Variants in OSBPL9 observed in about 807,000 individuals in gnomAD.
The protein encoded by OSBPL9 is oxysterol binding protein like 9.
A neutral mutation model predicts 106.6 loss-of-function variants in OSBPL9; 40 were observed. The observed-to-expected ratio is 0.38, with a 90% CI of 0.29 to 0.49. The LOEUF is 0.49. Ranked by LOEUF, OSBPL9 falls within the 20% of genes least tolerant of loss-of-function variation. OSBPL9 has a pLI of 0.97. For synonymous variants in OSBPL9, 269 were observed against 295.4 expected (o/e 0.91, Z 0.92); for missense variants, 609 against 887.2 (o/e 0.69, Z 3.98).
intron 4 of OSBPL9, among the ~76,000 whole-genome samples, chr1:51,737,887 G>C (rs1359206646): frequency 1.3e-5 from 2 of 152,010 alleles, no homozygotes; most frequent in Non-Finnish European, 2.9e-5. Context: ...CCTATATAGA[G>C]AGGGTGACCA....
chr1:51,543,105 C>A, the OSBPL9 span, among the ~76,000 whole-genome samples: 1 of 152,144 alleles, frequency 6.6e-6, no homozygotes, highest in Non-Finnish European at 1.5e-5. Flanking sequence ...ATTCCTGGTC[C>A]AAATTCTGAA....
rs1458050453 is a variant in OSBPL9 at position 51,713,976 on chromosome 1, A to C, written c.242-27A>C. 3 of 1,552,420 alleles carry C rather than the reference A, an allele frequency of 1.9e-6. No individual in the cohort carries two copies. The South Asian group carries it at 3.6e-5, about 19-fold the overall frequency. On this transcript the variant is annotated intron_variant, in intron 3 of 23. Coordinates refer to ENST00000428468, the MANE Select transcript of OSBPL9 (RefSeq NM_024586.6). ...GATATATTATAGAATTAAACTTTTA[A>C]TTTTAATGTATAATCTTTTATTCCA...
chr1:51,772,126 G>A lies in OSBPL9; in HGVS notation c.995G>A (p.Arg332His), dbSNP rs546306584. The A allele has an allele frequency of 1.6e-5, 26 of 1,613,978 alleles. No homozygotes were observed. The highest frequency in any genetic ancestry group is 8.9e-5 in the East Asian group (4 of 44,880). ...AGCAGCTCGGGAAATAGTCTAAAAC[G>A]CCCAGATACCACAGAATCACTTAAT... ...THSSSGNSLK[R>H]PDTTESLNSS... is the part of the protein sequence containing the mutation. The change falls in exon 13 of 24, where the codon CGC (arginine) becomes CAC (histidine). Residue 332 changes from arginine (R) to histidine (H), a missense_variant. Coordinates refer to ENST00000428468, the MANE Select transcript of OSBPL9 (RefSeq NM_024586.6).
At chr1:51,787,293 C>A in intron 22 of OSBPL9, 60 bp from the exon 23 acceptor site, 1 of 1,518,792 alleles carries the variant, frequency 6.6e-7, no homozygotes, top group Non-Finnish European at 9.1e-7. Flanking sequence ...ATACTATATT[C>A]AGGATGGCTG....
chr1:51,642,171 G>T (rs1401089619), intron 1 of OSBPL9, among the ~76,000 whole-genome samples: 1 of 152,098 alleles, frequency 6.6e-6, no homozygotes, highest in Non-Finnish European at 1.5e-5. Context: ...GGCTGTTGAG[G>T]CATAGTACAT....
chr1:51,617,045 C>T (rs562902148), upstream of OSBPL9: 651 of 1,544,222 alleles, frequency 4.2e-4, 3 homozygotes, highest in African/African-American at 7.9e-3. Context: ...GGCCCCGCCC[C>T]CCGCATGCTG....
At chr1:51,737,805 T>C (rs1483574768) in intron 4 of OSBPL9, among the ~76,000 whole-genome samples, 1 of 152,082 alleles carries the variant, frequency 6.6e-6, no homozygotes, top group African/African-American at 2.4e-5. Flanking sequence ...GGCAATTTGC[T>C]GGATTCTGAA....
rs150938680 is a variant in OSBPL9 at position 51,628,973 on chromosome 1, C to T, written c.111+11752C>T. Among the ~76,000 whole-genome samples, 139 of 152,196 alleles carry T rather than the reference C, an allele frequency of 9.1e-4. 1 individual carries two copies. The highest frequency in any genetic ancestry group is 4.8e-3 in the South Asian group (23 of 4,824). Reference sequence around the variant, plus strand: ...GATTACAGGCCTGAGCTACCATGCCCGGCCTTAGCTTAACACTCTCTATTC... The same window carrying T: ...GATTACAGGCCTGAGCTACCATGCCTGGCCTTAGCTTAACACTCTCTATTC... On this transcript the variant is annotated intron_variant, in intron 1 of 23. Coordinates refer to ENST00000428468, the MANE Select transcript of OSBPL9 (RefSeq NM_024586.6).
chr1:51,785,670 C>A, intron 20 of OSBPL9, 138 bp from the exon 21 acceptor site: 1 of 662,750 alleles, frequency 1.5e-6, no homozygotes, highest in Admixed American at 2.9e-5. Flanking sequence ...CTGGGGAGTC[C>A]AGTTCTGTTA....
intron 8 of OSBPL9, among the ~76,000 whole-genome samples, chr1:51,750,497 A>C (rs749295619): frequency 1.3e-5 from 2 of 152,218 alleles, no homozygotes; most frequent in Non-Finnish European, 2.9e-5. Context: ...CCTTCCACAA[A>C]AAAAGTTTTT....
chr1:51,563,035 C>T, the OSBPL9 span, among the ~76,000 whole-genome samples: 1 of 151,990 alleles, frequency 6.6e-6, no homozygotes, highest in Non-Finnish European at 1.5e-5. Flanking sequence ...AGAGTGAAAC[C>T]GCGTCTCTAC....
At chr1:51,635,295 A>T (rs77243112) in intron 1 of OSBPL9, among the ~76,000 whole-genome samples, 4 of 146,804 alleles carry the variant, frequency 2.7e-5, no homozygotes, top group Non-Finnish European at 4.5e-5. Flanking sequence ...CATCTGTATT[A>T]AAAAAAAAAA....
chr1:51,660,192 A>G (rs950343093), intron 2 of OSBPL9, among the ~76,000 whole-genome samples: 2 of 152,184 alleles, frequency 1.3e-5, no homozygotes, highest in African/African-American at 4.8e-5. Context: ...CAGATGTATA[A>G]GAGGTATAAA....
rs186595381 is a variant in OSBPL9 at position 51,723,354 on chromosome 1, A to C, written c.318+9275A>C. Among the ~76,000 whole-genome samples, 10 of 152,206 alleles carry C rather than the reference A, an allele frequency of 6.6e-5. No homozygotes were observed. The East Asian group carries it at 1.9e-3, about 29-fold the overall frequency. On this transcript the variant is annotated intron_variant, in intron 4 of 23. Coordinates refer to ENST00000428468, the MANE Select transcript of OSBPL9 (RefSeq NM_024586.6). ...AACCACTGAACTTTTTAACATCTCC[A>C]TAGTTTTGCCTTTTCCAGAATGTCA...
chr1:51,694,025 A>C (rs1655524388), intron 3 of OSBPL9, among the ~76,000 whole-genome samples: 2 of 152,340 alleles, frequency 1.3e-5, no homozygotes, highest in Non-Finnish European at 2.9e-5. Flanking sequence ...GAAGCAATCA[A>C]GTAAGATATC....
chr1:51,711,947 G>T (rs1329647995), intron 3 of OSBPL9, among the ~76,000 whole-genome samples: 1 of 151,570 alleles, frequency 6.6e-6, no homozygotes, highest in Non-Finnish European at 1.5e-5. Context: ...CCAGGCAGAG[G>T]GGCTCCTCAC....
chr1:51,556,991 A>G, the OSBPL9 span, among the ~76,000 whole-genome samples: 18 of 152,000 alleles, frequency 1.2e-4, no homozygotes, highest in Middle Eastern at 3.2e-3. Flanking sequence ...AAGACAGGGT[A>G]AATGCTTGAG....
intron 1 of OSBPL9, among the ~76,000 whole-genome samples, chr1:51,629,555 G>GAAACT (rs1005166323): frequency 4.7e-4 from 72 of 152,286 alleles, no homozygotes; most frequent in African/African-American, 1.7e-3. Context: ...TGTACAGTGT[G>GAAACT]AAACTGTATG....
chr1:51,706,720 A>G (rs1263749005), intron 3 of OSBPL9, among the ~76,000 whole-genome samples: 5 of 150,646 alleles, frequency 3.3e-5, no homozygotes, highest in Admixed American at 2.0e-4. Context: ...TAAGGCTACA[A>G]ATTTCCCTTT....
Sources: gnomAD v4.1 joint callset for allele counts (sites outside exome capture counted in the v4.1 genomes callset) on GRCh38, gnomAD v4.1.1 for gene constraint, MANE v1.5 for transcripts, NCBI Gene and HGNC (gene_info 2026-07-23, HGNC 2026-07-21) for gene names.